Variants in TM6SF1 observed in about 807,000 individuals in gnomAD.
The protein encoded by TM6SF1 is transmembrane 6 superfamily member 1.
A neutral mutation model predicts 47.1 loss-of-function variants in TM6SF1; 43 were observed. The ratio of observed to expected loss-of-function variants is 0.91; its 90% confidence interval spans 0.72 to 1.18. TM6SF1 has a LOEUF of 1.18. Ranked by LOEUF, TM6SF1 falls within the 50% of genes most tolerant of loss-of-function variation. TM6SF1 has a pLI of 0.00. For synonymous variants in TM6SF1, 177 were observed against 166.3 expected, an observed-to-expected ratio of 1.06 and a Z score of -0.49; for missense variants, 390 against 449.0, an observed-to-expected ratio of 0.87 and a Z score of 1.19.
chr15:83,121,891 G>T (rs2035287996), intron 4 of TM6SF1, 30 bp from the exon 5 acceptor site: 1 of 1,547,962 alleles, frequency 6.5e-7, no homozygotes, highest in Non-Finnish European at 8.8e-7. Flanking sequence ...AACATACCAA[G>T]TCAAGATTTT....
At chr15:83,112,590 T>C in intron 1 of TM6SF1, 1 of 598,814 alleles carries the variant, frequency 1.7e-6, no homozygotes, top group Non-Finnish European at 3.0e-6. Flanking sequence ...ATGGCTTCGG[T>C]CCCTGAAAGT....
chr15:83,118,219 GTC>G (rs1201290530), intron 3 of TM6SF1, among the ~76,000 whole-genome samples: 3 of 150,696 alleles, frequency 2.0e-5, no homozygotes, highest in Non-Finnish European at 4.4e-5. Context: ...GTGAGACCCT[GTC>G]TCTGTACGTA....
intron 9 of TM6SF1, chr15:83,135,561 A>C (rs1461957217): frequency 6.6e-6 from 1 of 152,178 alleles, no homozygotes; most frequent in African/African-American, 2.4e-5. Flanking sequence ...CTTCTGAGGA[A>C]ATTTTCTGAC....
chr15:83,112,143 C>T lies in TM6SF1; in HGVS notation c.93-654C>T, dbSNP rs370523546. On this transcript the variant is annotated intron_variant, in intron 1 of 9. Coordinates refer to ENST00000322019, the MANE Select transcript of TM6SF1 (RefSeq NM_023003.5). The stretch of plus-strand genomic sequence containing the variant: ...TAGAACATCCAGGGGATGTACTCAA[C>T]TAAGCTTCACCTTGGTTTCTATGGT... Among the ~76,000 whole-genome samples the T allele has an allele frequency of 2.5e-4, 38 of 152,272 alleles. 1 individual carries two copies. In the South Asian group the frequency reaches 7.9e-3, roughly 32 times the overall value.
chr15:83,136,656 A>G lies in TM6SF1; in HGVS notation c.1097A>G (p.Glu366Gly), dbSNP rs1466582652. The G allele has an allele frequency of 6.3e-7, 1 of 1,593,838 alleles. No homozygotes were observed. The highest frequency in any genetic ancestry group is 1.9e-5 in the Admixed American group (1 of 53,472). The change falls in exon 10 of 10, where the codon GAA (glutamate) becomes GGA (glycine). Residue 366 changes from glutamate to glycine, a missense_variant. By Grantham distance (98) the Glu-to-Gly change is moderately conservative. Coordinates refer to ENST00000322019, the MANE Select transcript of TM6SF1 (RefSeq NM_023003.5). Reference sequence around the variant, plus strand: ...GAGTTCTTCATAAAAACAAAGGCAGAAGAAAAAGTGGAATAAAAATATTAC... The same window carrying G: ...GAGTTCTTCATAAAAACAAAGGCAGGAGAAAAAGTGGAATAAAAATATTAC... ...KPEFFIKTKA[E>G]EKVE
intron 7 of TM6SF1, among the ~76,000 whole-genome samples, chr15:83,126,014 T>C (rs1357056130): frequency 2.6e-5 from 4 of 152,146 alleles, no homozygotes; most frequent in Admixed American, 6.5e-5. Context: ...CAACAAAAAA[T>C]AGTGGGCCCC....
In TM6SF1 at chr15:83,136,585, T is replaced by C. The variant is rs751298937; in HGVS notation, c.1026T>C (p.Tyr342=). The C allele has an allele frequency of 5.0e-6, 8 of 1,613,922 alleles. No individual in the cohort carries two copies. The highest frequency in any genetic ancestry group is 6.8e-6 in the Non-Finnish European group (8 of 1,179,894). The change falls in exon 10 of 10, where the codon TAT becomes TAC. Residue 342 remains tyrosine, a synonymous_variant. Transcript: ENST00000322019. The stretch of plus-strand genomic sequence containing the variant: ...TTTTTTTAGCATTAAACATAGCATA[T>C]GGAGTTCTTCCTCAGCTCTTGGCCT... ...KILFLALNIA[Y]GVLPQLLAYR... is the part of the protein sequence containing the mutation.
At chr15:83,127,673 T>G (rs1374449547) in intron 9 of TM6SF1, 196 bp downstream of exon 9, 1 of 520,794 alleles carries the variant, frequency 1.9e-6, no homozygotes, top group South Asian at 2.3e-5. Flanking sequence ...ATGGTAGATG[T>G]GCCATCCAGT....
intron 3 of TM6SF1, among the ~76,000 whole-genome samples, chr15:83,118,049 G>T (rs145558624): frequency 6.6e-6 from 1 of 152,306 alleles, no homozygotes; most frequent in East Asian, 1.9e-4. Context: ...TTGGTAAGCC[G>T]AATGGTTTCA....
At position 83,107,697 on chromosome 15, in the gene TM6SF1, C is replaced by T; in HGVS notation, c.17C>T (p.Ala6Val). 1 of 1,563,446 alleles carries T rather than the reference C, an allele frequency of 6.4e-7. No individual in the cohort carries two copies. The highest frequency in any genetic ancestry group is 8.6e-7 in the Non-Finnish European group (1 of 1,157,136). Residue 6 changes from alanine to valine, a missense_variant, in exon 1 of 10, where the codon GCC (alanine) becomes GTC (valine). Physicochemically the swap from Ala to Val is moderately conservative, Grantham distance 64 (BLOSUM62 0). Transcript: ENST00000322019. The surrounding 1 kb of genome is among the most constrained non-coding windows in gnomAD (Gnocchi z 5.6). ...GCGGCTGCGATGAGTGCCTCTGCGGCCACCGGGGTCTTCGTGCTGTCCCTC... is the reference window on the plus strand; with the variant it reads ...GCGGCTGCGATGAGTGCCTCTGCGGTCACCGGGGTCTTCGTGCTGTCCCTC... MSASA[A>V]TGVFVLSLSA...
intron 1 of TM6SF1, among the ~76,000 whole-genome samples, chr15:83,108,909 G>A (rs954052598): frequency 7.9e-5 from 12 of 152,214 alleles, no homozygotes; most frequent in African/African-American, 2.9e-4. Flanking sequence ...GGCATCCCCT[G>A]GAGGCAGCTG....
intron 7 of TM6SF1, 55 bp from the exon 8 acceptor site, chr15:83,126,700 A>G: frequency 6.9e-7 from 1 of 1,459,636 alleles, no homozygotes; most frequent in Non-Finnish European, 9.5e-7. Flanking sequence ...CTTATCAGCA[A>G]ACCTAAGAAC....
chr15:83,135,264 CAAGT>C (rs1337294914), intron 9 of TM6SF1: 4 of 152,264 alleles, frequency 2.6e-5, no homozygotes, highest in East Asian at 1.9e-4. Flanking sequence ...ATGGTGAAGT[CAAGT>C]AAGTAACACC....
chr15:83,108,861 C>A (rs1241103072), intron 1 of TM6SF1, among the ~76,000 whole-genome samples: 5 of 152,234 alleles, frequency 3.3e-5, no homozygotes, highest in Admixed American at 3.3e-4. Flanking sequence ...TCACCAGGCA[C>A]CAGCAGTGTC....
chr15:83,125,789 G>A (rs188843315), intron 7 of TM6SF1, among the ~76,000 whole-genome samples: 4 of 152,322 alleles, frequency 2.6e-5, no homozygotes, highest in Non-Finnish European at 4.4e-5. Context: ...TTGGGCTACT[G>A]GGGGCCTGTG....
intron 1 of TM6SF1, chr15:83,111,657 G>C (rs540134573): frequency 1.0e-6 from 1 of 985,428 alleles, no homozygotes; most frequent in South Asian, 4.7e-5. Flanking sequence ...GGTGCTTGTA[G>C]CTGCTCCAAT....
chr15:83,136,721 C>G lies in TM6SF1; in HGVS notation c.*49C>G. 1 of 1,474,656 alleles carries G rather than the reference C, an allele frequency of 6.8e-7. No individual in the cohort carries two copies. The highest frequency in any genetic ancestry group is 2.3e-5 in the East Asian group (1 of 44,164). 91.3% of individuals were successfully genotyped at this position (1,474,656 alleles called of 1,614,324 possible). On this transcript the variant is annotated 3_prime_UTR_variant, in exon 10 of 10. Coordinates refer to ENST00000322019, the MANE Select transcript of TM6SF1 (RefSeq NM_023003.5). ...TTCTAAATTACTAACTTTTGTTATA[C>G]TGGTACTGATATTTTGTCCCATTTC... is the stretch of plus-strand genomic sequence containing the variant.
chr15:83,123,941 T>A (rs2035496662), intron 6 of TM6SF1, among the ~76,000 whole-genome samples: 1 of 150,458 alleles, frequency 6.6e-6, no homozygotes, highest in African/African-American at 2.4e-5. Context: ...AATTTGGCAA[T>A]GTTATCAACC....
At chr15:83,132,321 AT>A (rs1028517040) in intron 9 of TM6SF1, 3 of 152,196 alleles carry the variant, frequency 2.0e-5, no homozygotes, top group Non-Finnish European at 4.4e-5. Context: ...ATTGTATATA[AT>A]TACCAAGAAA....
Sources: allele counts gnomAD v4.1 joint callset (sites outside exome capture counted in the v4.1 genomes callset), GRCh38; gene constraint gnomAD v4.1.1; non-coding constraint Gnocchi (gnomAD v3.1); transcripts MANE v1.5; gene names NCBI Gene and HGNC (gene_info 2026-07-23, HGNC 2026-07-21).